Variants in TMCO6 observed in about 807,000 individuals in gnomAD.
The protein encoded by TMCO6 is transmembrane and coiled-coil domain-containing protein 6.
TMCO6 carries 47 observed loss-of-function variants against 61.8 expected under a neutral mutation model. The ratio of observed to expected loss-of-function variants is 0.76; its 90% CI spans 0.60 to 0.97. TMCO6 has a LOEUF of 0.97. TMCO6 is among the 50% of genes least tolerant of loss of function. The probability of loss-of-function intolerance (pLI) is 0.00; values close to 1 mark genes in which losing one functional copy is unlikely to be tolerated. For missense variants in TMCO6, 557 were observed against 601.6 expected (o/e 0.93, Z 0.78); for synonymous variants, 261 against 254.2 (o/e 1.03, Z -0.25).
chr5:140,621,094 CA>C, the TMCO6 span, among the ~76,000 whole-genome samples: 1 of 152,134 alleles, frequency 6.6e-6, no homozygotes, highest in Non-Finnish European at 1.5e-5. Context: ...AATATATGCC[CA>C]AAAGACCTAT....
At chr5:140,616,454 T>TA in the TMCO6 span, among the ~76,000 whole-genome samples, 1 of 151,254 alleles carries the variant, frequency 6.6e-6, no homozygotes, top group Admixed American at 6.6e-5. Context: ...CCTAGCTACC[T>TA]AGGAGGCTGA....
the TMCO6 span, among the ~76,000 whole-genome samples, chr5:140,616,614 G>C: frequency 6.6e-6 from 1 of 152,160 alleles, no homozygotes; most frequent in African/African-American, 2.4e-5. Flanking sequence ...GTGCATCAAA[G>C]GATGCAATCA....
chr5:140,614,258 C>T, the TMCO6 span, among the ~76,000 whole-genome samples: 2 of 151,968 alleles, frequency 1.3e-5, no homozygotes, highest in Admixed American at 6.5e-5. Flanking sequence ...CCTGTAATCC[C>T]AGCACTTTGG....
In TMCO6 at chr5:140,641,628, G is replaced by T. The variant is rs138561418; in HGVS notation, c.199-37G>T. On this transcript the variant is annotated intron_variant, in intron 2 of 11. Coordinates refer to ENST00000394671, the MANE Select transcript of TMCO6 (RefSeq NM_018502.5). ...GAGAGACTTAGGACTTGCTTTCTGT[G>T]AACCGTGTGTTCTCCTTTCCCTGCC... The T allele has an allele frequency of 7.1e-5, 113 of 1,587,728 alleles. No homozygotes were observed. In the East Asian group the frequency reaches 1.9e-3, roughly 27 times the overall value.
At chr5:140,647,229 C>A (rs1187170654), downstream of TMCO6, 3 of 1,525,834 alleles carry the variant, frequency 2.0e-6, no homozygotes. Flanking sequence ...CTACCGGAGC[C>A]CCAGACCCCT....
chr5:140,605,102 T>C, the TMCO6 span, among the ~76,000 whole-genome samples: 14 of 152,344 alleles, frequency 9.2e-5, no homozygotes, highest in African/African-American at 3.1e-4. Flanking sequence ...TTTGAAAACA[T>C]GTAAATGAAA....
At chr5:140,632,672 C>T in the TMCO6 span, 9 of 1,613,862 alleles carry the variant, frequency 5.6e-6, no homozygotes, top group Non-Finnish European at 7.6e-6. This position sits in a 1 kb window ranked among gnomAD's most constrained non-coding sequence, Gnocchi z 6.2. Flanking sequence ...CTACCAGTAG[C>T]TGAGCAGGAA....
the TMCO6 span, chr5:140,632,942 C>T: frequency 6.2e-7 from 1 of 1,614,082 alleles, no homozygotes; most frequent in African/African-American, 1.3e-5. This position sits in a 1 kb window ranked among gnomAD's most constrained non-coding sequence, Gnocchi z 6.2. Context: ...AGACGTGCAC[C>T]AGCGGCAGCA....
the TMCO6 span, among the ~76,000 whole-genome samples, chr5:140,626,181 C>G: frequency 9.2e-5 from 14 of 152,086 alleles, no homozygotes; most frequent in African/African-American, 3.1e-4. Context: ...TGGCTAACTG[C>G]CTACTGGACT....
intron 10 of TMCO6, 131 bp downstream of exon 10, chr5:140,644,325 C>G (rs1445393615): frequency 9.5e-7 from 1 of 1,055,690 alleles, no homozygotes; most frequent in African/African-American, 1.6e-5. Flanking sequence ...CCCAACCAAT[C>G]TAGGTGTGTG....
chr5:140,629,564 A>G, the TMCO6 span, among the ~76,000 whole-genome samples: 2 of 152,182 alleles, frequency 1.3e-5, no homozygotes, highest in Non-Finnish European at 2.9e-5. Context: ...ATCCAAATCT[A>G]TCTCATTATA....
chr5:140,623,326 G>T, the TMCO6 span, among the ~76,000 whole-genome samples: 1 of 152,286 alleles, frequency 6.6e-6, no homozygotes, highest in South Asian at 2.1e-4. Flanking sequence ...AGTAAGAAAT[G>T]ATGTAATGCA....
At chr5:140,642,293 T>C (rs997560802) in intron 4 of TMCO6, 22 bp from the exon 5 acceptor site, 3 of 1,590,610 alleles carry the variant, frequency 1.9e-6, no homozygotes, top group Non-Finnish European at 2.6e-6. Context: ...CCAAGCCCAG[T>C]GCTTTTGTTG....
chr5:140,621,417 C>T, the TMCO6 span, among the ~76,000 whole-genome samples: 2 of 152,030 alleles, frequency 1.3e-5, no homozygotes, highest in Non-Finnish European at 2.9e-5. Flanking sequence ...AGTTCATGGA[C>T]GCTTATCACT....
chr5:140,612,334 C>CT, the TMCO6 span, among the ~76,000 whole-genome samples: 5,637 of 111,914 alleles, frequency 0.05, 584 homozygotes, highest in African/African-American at 0.12. Context: ...CTTGCCCAAT[C>CT]TTTTTTTTTT....
At chr5:140,601,830 G>A in the TMCO6 span, among the ~76,000 whole-genome samples, 11 of 152,192 alleles carry the variant, frequency 7.2e-5, no homozygotes, top group Non-Finnish European at 1.5e-4. Flanking sequence ...TCTAGACTTT[G>A]AGAACAACTG....
At chr5:140,647,403 G>T (rs1379142852), downstream of TMCO6, 1 of 1,611,126 alleles carries the variant, frequency 6.2e-7, no homozygotes, top group Non-Finnish European at 8.5e-7. Context: ...TGTGGGCGGG[G>T]GCTTCCCTCA....
the TMCO6 span, among the ~76,000 whole-genome samples, chr5:140,603,146 A>T: frequency 3.3e-5 from 5 of 152,034 alleles, no homozygotes; most frequent in African/African-American, 7.2e-5. Context: ...CATACCCATT[A>T]AGTAATCACT....
the TMCO6 span, among the ~76,000 whole-genome samples, chr5:140,611,653 T>A: frequency 2.0e-5 from 3 of 152,194 alleles, no homozygotes; most frequent in Admixed American, 2.0e-4. Context: ...TCATGGTGCA[T>A]AATTATTTTT....
Sources: allele counts gnomAD v4.1 joint callset (sites outside exome capture counted in the v4.1 genomes callset), GRCh38; gene constraint gnomAD v4.1.1; non-coding constraint Gnocchi (gnomAD v3.1); transcripts MANE v1.5; gene names NCBI Gene and HGNC (gene_info 2026-07-23, HGNC 2026-07-21).